The following DNAH6 variants were observed in gnomAD, a reference collection of about 807,000 sequenced individuals.
DNAH6 encodes the protein axonemal beta dynein heavy chain 6.
DNAH6 carries 340 observed loss-of-function variants against 491.4 expected under a neutral mutation model. That is an observed-to-expected ratio of 0.69 (90% CI 0.63 to 0.76). The LOEUF is 0.76. DNAH6 is among the 30% of genes least tolerant of loss of function. The pLI, the probability that DNAH6 is intolerant of heterozygous loss-of-function variation, is 0.00. For synonymous variants in DNAH6, 1,603 were observed against 1,686.1 expected (o/e 0.95, Z 1.21); for missense variants, 4,443 against 4,972.2 (o/e 0.89, Z 3.20).
chr2:84,601,523 A>G (rs1003438614), intron 18 of DNAH6, among the ~76,000 whole-genome samples: 3 of 152,114 alleles, frequency 2.0e-5, no homozygotes, highest in African/African-American at 4.8e-5. Context: ...TGAAATTAAC[A>G]TAGCTAGTTC....
intron 52 of DNAH6, 94 bp downstream of exon 52, chr2:84,705,841 A>G: frequency 1.5e-6 from 2 of 1,331,048 alleles, no homozygotes; most frequent in South Asian, 2.0e-5. Context: ...GGTCCTACGC[A>G]ATATAGACAG....
At chr2:84,646,961 C>T (rs988874876) in intron 33 of DNAH6, among the ~76,000 whole-genome samples, 16 of 152,186 alleles carry the variant, frequency 1.1e-4, no homozygotes. Context: ...AATTCTCCTG[C>T]CTCAGCCTCC....
upstream of DNAH6, among the ~76,000 whole-genome samples, chr2:84,514,866 G>A (rs369618773): frequency 8.3e-5 from 2 of 24,002 alleles, no homozygotes; most frequent in African/African-American, 7.0e-4. Flanking sequence ...CTTCACCACA[G>A]TCACACACAC....
At chr2:84,725,918 G>A (rs1468702874) in intron 60 of DNAH6, among the ~76,000 whole-genome samples, 2 of 152,176 alleles carry the variant, frequency 1.3e-5, no homozygotes, top group African/African-American at 2.4e-5. Flanking sequence ...TCTCCTGAGT[G>A]TGTTAAAACA....
At position 84,517,869 on chromosome 2, in the gene DNAH6, A is replaced by G; in HGVS notation, c.43A>G (p.Ile15Val). 6.4e-7 allele frequency: 1 copy of G among 1,551,796 alleles called. No individual in the cohort carries two copies. The highest frequency in any genetic ancestry group is 8.7e-7 in the Non-Finnish European group (1 of 1,147,006). ...AGATAGTGAATTTGACCTGACAAAT[A>G]TTGAAGAGTATGCCGAAAATTCTGC... Reference protein sequence around the residue: ...ATDSEFDLTNIEEYAENSALS... With the variant: ...ATDSEFDLTNVEEYAENSALS... Residue 15 changes from isoleucine to valine, a missense_variant, in exon 2 of 77, where the codon ATT becomes GTT. By Grantham distance (29) the Ile-to-Val change is conservative (BLOSUM62 3). This residue lies in a region of DNAH6 where 2,977 missense variants were observed against 3,296.6 expected (regional missense o/e 0.90). Coordinates refer to ENST00000389394, the MANE Select transcript of DNAH6 (RefSeq NM_001370.2).
rs368301623 is a variant in DNAH6 at position 84,588,478 on chromosome 2, T to C, written c.2482-348T>C. On this transcript the variant is annotated intron_variant, in intron 15 of 76. Transcript: ENST00000389394. ...ATTCCTTTATTGTAAAGTGGAAATT[T>C]ACCGTATATCATATCCCCTTCCTTC... Among the ~76,000 whole-genome samples, 44 of 152,354 alleles carry C rather than the reference T, an allele frequency of 2.9e-4. No homozygotes were observed. In the South Asian group the frequency reaches 9.1e-3, roughly 32 times the overall value.
chr2:84,470,995 A>G, the DNAH6 span, among the ~76,000 whole-genome samples: 1 of 152,190 alleles, frequency 6.6e-6, no homozygotes, highest in African/African-American at 2.4e-5. Flanking sequence ...CAGCTGTGAC[A>G]GTTTAGCATT....
chr2:84,472,466 T>C, the DNAH6 span, among the ~76,000 whole-genome samples: 1 of 152,006 alleles, frequency 6.6e-6, no homozygotes, highest in African/African-American at 2.4e-5. Flanking sequence ...AGATAAAATG[T>C]GAATAGGTAT....
chr2:84,511,808 A>G (rs75564820), upstream of DNAH6, among the ~76,000 whole-genome samples: 2,239 of 152,208 alleles, frequency 0.015, 36 homozygotes, highest in Middle Eastern at 0.092. Flanking sequence ...TTCTGTTAAT[A>G]TGATGTATTA....
At chr2:84,675,772 C>T (rs111481622) in intron 40 of DNAH6, among the ~76,000 whole-genome samples, 6 of 152,288 alleles carry the variant, frequency 3.9e-5, no homozygotes, top group African/African-American at 1.4e-4. Flanking sequence ...AATCCTCCCA[C>T]CTCAGCCCCC....
At position 84,762,770 on chromosome 2, in the gene DNAH6, A is replaced by G. The variant is rs201195733; in HGVS notation, c.10528A>G (p.Thr3510Ala). 1,078 of 1,549,708 alleles carry G rather than the reference A, an allele frequency of 7.0e-4. No individual in the cohort carries two copies. The highest frequency in any genetic ancestry group is 8.8e-4 in the Non-Finnish European group (1,010 of 1,146,148). ...CKEEKVVFAL[T>A]DFVIENLGKQ... ...CAACTTTCAGGTGGTTTTTGCTCTTACAGACTTTGTGATAGAAAATCTTGG... is the reference window on the plus strand; with the variant it reads ...CAACTTTCAGGTGGTTTTTGCTCTTGCAGACTTTGTGATAGAAAATCTTGG... The change falls in exon 64 of 77, where the codon ACA becomes GCA. Residue 3510 changes from threonine (T) to alanine (A), a missense_variant. Thr to Ala is a moderately conservative substitution (Grantham distance 58). Transcript: ENST00000389394.
chr2:84,706,742 AATTTAT>A (rs1696486312), intron 52 of DNAH6, among the ~76,000 whole-genome samples, 148 bp from the exon 53 acceptor site: 1 of 152,104 alleles, frequency 6.6e-6, no homozygotes, highest in African/African-American at 2.4e-5. Flanking sequence ...ATTTTACTCT[AATTTAT>A]ATTTGTTTTA....
intron 33 of DNAH6, among the ~76,000 whole-genome samples, chr2:84,644,529 C>T (rs1256792365): frequency 6.6e-6 from 1 of 151,912 alleles, no homozygotes; most frequent in Non-Finnish European, 1.5e-5. Context: ...CACAGATCAT[C>T]CCATCACCCA....
rs1445877994 is a variant in DNAH6 at position 84,815,934 on chromosome 2, T to C, written c.12224T>C (p.Met4075Thr). Residue 4075 changes from methionine to threonine, a missense_variant, in exon 76 of 77, where the codon ATG (methionine) becomes ACG (threonine). Met to Thr is a moderately conservative substitution (Grantham distance 81). Transcript: ENST00000389394. ...MDASRWDDKE[M>T]VIEDALPGQM... ...GCTTCTCGATGGGATGATAAGGAGA[T>C]GGTGATAGAAGATGCATTGCCCGGA... 2 of 1,551,874 alleles carry C rather than the reference T, an allele frequency of 1.3e-6. No homozygotes were observed. The highest frequency in any genetic ancestry group is 2.4e-5 in the East Asian group (1 of 40,924).
At chr2:84,800,625 C>T (rs964290311) in intron 70 of DNAH6, among the ~76,000 whole-genome samples, 1 of 151,894 alleles carries the variant, frequency 6.6e-6, no homozygotes, top group African/African-American at 2.4e-5. Context: ...GAAGTCTTAA[C>T]AACAGATTAG....
chr2:84,565,171 C>A (rs1371755837), intron 11 of DNAH6, among the ~76,000 whole-genome samples: 7 of 151,926 alleles, frequency 4.6e-5, no homozygotes, highest in African/African-American at 1.7e-4. Context: ...TGTGTCTCTG[C>A]CAGATATTGG....
intron 5 of DNAH6, 97 bp downstream of exon 5, chr2:84,544,597 T>C: frequency 1.4e-6 from 1 of 709,172 alleles, no homozygotes; most frequent in Non-Finnish European, 2.2e-6. Flanking sequence ...TGAAATCAAA[T>C]ATTTTATATT....
chr2:84,762,335 T>A (rs969712933), intron 63 of DNAH6, among the ~76,000 whole-genome samples: 8 of 152,210 alleles, frequency 5.3e-5, no homozygotes, highest in Admixed American at 6.5e-5. Flanking sequence ...TTTGGTTTTA[T>A]TTTTAAGGAT....
At chr2:84,575,552 G>A (rs371013158) in intron 12 of DNAH6, among the ~76,000 whole-genome samples, 1 of 152,180 alleles carries the variant, frequency 6.6e-6, no homozygotes, top group East Asian at 1.9e-4. Context: ...GAGCAGTTTA[G>A]ATCTAATTTC....
Sources: allele counts gnomAD v4.1 joint callset (sites outside exome capture counted in the v4.1 genomes callset), GRCh38; gene constraint gnomAD v4.1.1; regional missense constraint gnomAD v4.1.1; transcripts MANE v1.5; gene names NCBI Gene and HGNC (gene_info 2026-07-23, HGNC 2026-07-21).